GRK5: variants seen among roughly 807,000 people sequenced by gnomAD.
GRK5 encodes the protein G protein-coupled receptor kinase 5.
GRK5 carries 40 observed loss-of-function variants against 78.4 expected under a neutral mutation model. The ratio of observed to expected loss-of-function variants is 0.51; its 90% CI spans 0.40 to 0.66. The LOEUF is 0.66. GRK5 is among the 30% of genes least tolerant of loss of function. The probability of loss-of-function intolerance (pLI) is 0.00; values close to 1 mark genes in which losing one functional copy is unlikely to be tolerated. For synonymous variants in GRK5, 289 were observed against 296.8 expected (o/e 0.97, Z 0.27); for missense variants, 598 against 759.9 (o/e 0.79, Z 2.50).
chr10:119,214,604 C>T (rs1261936230), intron 1 of GRK5, among the ~76,000 whole-genome samples: 1 of 152,126 alleles, frequency 6.6e-6, no homozygotes, highest in Admixed American at 6.6e-5. Flanking sequence ...ACTGCAACTT[C>T]GACCTCCTGG....
At chr10:119,220,368 A>G (rs543740494) in intron 1 of GRK5, among the ~76,000 whole-genome samples, 10 of 152,324 alleles carry the variant, frequency 6.6e-5, no homozygotes, top group African/African-American at 2.2e-4. Context: ...TCTATAATAT[A>G]TAGCAAAATA....
chr10:119,436,763 A>C lies in GRK5; in HGVS notation c.851A>C (p.Glu284Ala), dbSNP rs1369544710. The C allele has an allele frequency of 2.8e-5, 45 of 1,614,194 alleles. No individual in the cohort carries two copies. The highest frequency in any genetic ancestry group is 3.8e-5 in the Non-Finnish European group (45 of 1,180,010). The change falls in exon 9 of 16, where the codon GAG (glutamate) becomes GCG (alanine). Residue 284 changes from glutamate (E) to alanine (A), a missense_variant. Coordinates refer to ENST00000392870, the MANE Select transcript of GRK5 (RefSeq NM_005308.3). ...TACAACATGGGCAACCCTGGCTTCGAGGAGGAGCGGGCCTTGTTTTATGCG... is the reference window on the plus strand; with the variant it reads ...TACAACATGGGCAACCCTGGCTTCGCGGAGGAGCGGGCCTTGTTTTATGCG... ...HIYNMGNPGF[E>A]EERALFYAAE...
At position 119,267,234 on chromosome 10, in the gene GRK5, A is replaced by C. The variant is rs1849513300; in HGVS notation, c.52+59265A>C. ...CTCCAGCCTGGGCAACAAGAGCGAA[A>C]CTCTGTCTCAAAAAAAAAAAATTCT... On this transcript the variant is annotated intron_variant, in intron 1 of 15. Coordinates refer to ENST00000392870, the MANE Select transcript of GRK5 (RefSeq NM_005308.3). This position sits in a 1 kb window ranked among gnomAD's most constrained non-coding sequence, Gnocchi z 4.1. Among the ~76,000 whole-genome samples the C allele has an allele frequency of 6.6e-6, 1 of 151,268 alleles. No individual in the cohort carries two copies.
rs540352647 is a variant in GRK5, at chr10:119,398,758, C to T, written c.339+1986C>T. On this transcript the variant is annotated intron_variant, in intron 4 of 15. Transcript: ENST00000392870. ...CCCAAGTCACACAACTAGTGAGTGG[C>T]GGAGCTAGAATTTGAACCCAAGTCT... Among the ~76,000 whole-genome samples the T allele has an allele frequency of 1.8e-4, 27 of 152,314 alleles. No individual in the cohort carries two copies. The South Asian group carries it at 4.8e-3, about 27-fold the overall frequency.
chr10:119,321,434 C>T (rs1396736173), intron 1 of GRK5, among the ~76,000 whole-genome samples: 4 of 149,314 alleles, frequency 2.7e-5, no homozygotes, highest in Non-Finnish European at 6.0e-5. Context: ...CCTCTGGGGG[C>T]TCCGGGGAGA....
At chr10:119,340,613 C>T (rs1850966893) in intron 2 of GRK5, among the ~76,000 whole-genome samples, 2 of 152,184 alleles carry the variant, frequency 1.3e-5, no homozygotes, top group African/African-American at 4.8e-5. Context: ...TTGTACCAGC[C>T]TCGACTATCA....
At chr10:119,275,578 CGT>C (rs1022641552) in intron 1 of GRK5, among the ~76,000 whole-genome samples, 109 of 147,130 alleles carry the variant, frequency 7.4e-4, no homozygotes, top group African/African-American at 2.7e-3. Context: ...CATGCTTGTG[CGT>C]GTGCACGCTC....
At chr10:119,268,500 T>A (rs530061539) in intron 1 of GRK5, among the ~76,000 whole-genome samples, 5 of 152,360 alleles carry the variant, frequency 3.3e-5, no homozygotes, top group Admixed American at 2.6e-4. Context: ...ATTTAGTGGT[T>A]AAATGCCAGA....
chr10:119,425,091 T>C lies in GRK5; in HGVS notation c.533+6T>C. On this transcript the variant is annotated splice_donor_region_variant and intron_variant, in intron 6 of 15. Transcript: ENST00000392870. ...CAGTGGAAGTGGTTGGAAAGGTGAGTCCACCACACCCCATACAGATCAGGG... is the reference window on the plus strand; with the variant it reads ...CAGTGGAAGTGGTTGGAAAGGTGAGCCCACCACACCCCATACAGATCAGGG... 6.3e-7 allele frequency: 1 copy of C among 1,584,562 alleles called. No homozygotes were observed.
In GRK5 at chr10:119,446,047, C is replaced by T. The variant is rs571319765; in HGVS notation, c.1267-2076C>T. Among the ~76,000 whole-genome samples, 4 of 152,236 alleles carry T rather than the reference C, an allele frequency of 2.6e-5. No homozygotes were observed. The South Asian group carries it at 6.2e-4, about 24-fold the overall frequency. The stretch of plus-strand genomic sequence containing the variant: ...AGTCCCAGCACTGGGCCTTAGCCCC[C>T]CTCCAGCTCCCTCTTGCCTTTCAGC... On this transcript the variant is annotated intron_variant, in intron 12 of 15. Transcript: ENST00000392870.
intron 4 of GRK5, among the ~76,000 whole-genome samples, chr10:119,418,086 G>A (rs912758800): frequency 1.3e-5 from 2 of 152,198 alleles, no homozygotes; most frequent in Admixed American, 1.3e-4. Context: ...AGCTCTGTCC[G>A]ATCTGCCCGC....
At chr10:119,387,064 G>T (rs1643962482) in intron 3 of GRK5, among the ~76,000 whole-genome samples, 1 of 152,010 alleles carries the variant, frequency 6.6e-6, no homozygotes. Context: ...GAGTGCAGTG[G>T]TGCGATCTCA....
At chr10:119,367,637 G>T (rs1851470375) in intron 2 of GRK5, among the ~76,000 whole-genome samples, 2 of 152,224 alleles carry the variant, frequency 1.3e-5, no homozygotes, top group Non-Finnish European at 2.9e-5. Context: ...CAGCCAAAGG[G>T]CAGTATAACA....
intron 2 of GRK5, among the ~76,000 whole-genome samples, chr10:119,376,789 A>G (rs955614718): frequency 3.3e-5 from 5 of 151,428 alleles, no homozygotes; most frequent in Admixed American, 6.6e-5. Context: ...CTGGTCTTGA[A>G]CTCCTGACCT....
In GRK5 at chr10:119,336,732, C is replaced by G. The variant is rs1042819279; in HGVS notation, c.148+10121C>G. Among the ~76,000 whole-genome samples, 1 of 152,190 alleles carries G rather than the reference C, an allele frequency of 6.6e-6. No homozygotes were observed. Among genetic ancestry groups the G allele is most frequent in the African/African-American group, 2.4e-5 (1 of 41,452 alleles). On this transcript the variant is annotated intron_variant, in intron 2 of 15. Transcript: ENST00000392870. The surrounding 1 kb of genome is among the most constrained non-coding windows in gnomAD (Gnocchi z 4.5). ...AAGTCTCTGCAGACGTCATTGCTGT[C>G]CTTGGGGTGATAAGGGCGCGTCATG...
intron 10 of GRK5, among the ~76,000 whole-genome samples, chr10:119,440,091 G>C (rs983489172): frequency 6.6e-6 from 1 of 152,110 alleles, no homozygotes; most frequent in Admixed American, 6.5e-5. Context: ...CAGAGATGCT[G>C]GGCAAATACT....
chr10:119,279,181 CT>C (rs1564874400), intron 1 of GRK5, among the ~76,000 whole-genome samples: 1 of 152,206 alleles, frequency 6.6e-6, no homozygotes, highest in Non-Finnish European at 1.5e-5. Flanking sequence ...CGCCTGGCCC[CT>C]GACCTCTTTT....
intron 2 of GRK5, among the ~76,000 whole-genome samples, chr10:119,365,979 G>T (rs1163516034): frequency 6.6e-6 from 1 of 152,198 alleles, no homozygotes; most frequent in Non-Finnish European, 1.5e-5. Context: ...TTGCACCCCG[G>T]CTCTGTGCCA....
chr10:119,338,717 C>A (rs960541219), intron 2 of GRK5, among the ~76,000 whole-genome samples: 1 of 151,410 alleles, frequency 6.6e-6, no homozygotes, highest in Non-Finnish European at 1.5e-5. Flanking sequence ...CAGCATCCAC[C>A]CAGGCCCCCG....
Sources: allele counts gnomAD v4.1 joint callset (sites outside exome capture counted in the v4.1 genomes callset), GRCh38; gene constraint gnomAD v4.1.1; non-coding constraint Gnocchi (gnomAD v3.1); transcripts MANE v1.5; gene names NCBI Gene and HGNC (gene_info 2026-07-23, HGNC 2026-07-21).